PTPN4: variants seen among roughly 807,000 people sequenced by gnomAD.
PTPN4 encodes protein tyrosine phosphatase non-receptor type 4.
In PTPN4, 49 loss-of-function variants were observed where a neutral mutation model predicts 135.5. That is an observed-to-expected ratio of 0.36 (90% CI 0.29 to 0.46). PTPN4 has a LOEUF of 0.46. Ranked by LOEUF, PTPN4 falls within the 20% of genes least tolerant of loss-of-function variation. The probability of loss-of-function intolerance (pLI) is 1.00; values close to 1 mark genes in which losing one functional copy is unlikely to be tolerated. For missense variants in PTPN4, 860 were observed against 1,101.0 expected, an observed-to-expected ratio of 0.78 and a Z score of 3.10; for synonymous variants, 333 against 369.9, an observed-to-expected ratio of 0.90 and a Z score of 1.14.
At chr2:119,928,588 T>G (rs1218585946) in intron 13 of PTPN4, among the ~76,000 whole-genome samples, 1 of 152,146 alleles carries the variant, frequency 6.6e-6, no homozygotes, top group African/African-American at 2.4e-5. Flanking sequence ...TCCTATAATT[T>G]AAACCTGTGA....
intron 2 of PTPN4, among the ~76,000 whole-genome samples, chr2:119,845,204 T>C (rs1677472664): frequency 8.1e-6 from 1 of 123,182 alleles, no homozygotes; most frequent in Non-Finnish European, 1.7e-5. Flanking sequence ...ACAGTCCAGC[T>C]TCGGCTCCGC....
At chr2:119,843,564 G>T (rs1383408069) in intron 2 of PTPN4, among the ~76,000 whole-genome samples, 2 of 110,996 alleles carry the variant, frequency 1.8e-5, no homozygotes, top group Non-Finnish European at 1.9e-5. Context: ...CAGTAGGGGC[G>T]GCCGGGCAGA....
chr2:119,977,146 G>A lies in PTPN4; in HGVS notation c.*76G>A, dbSNP rs192860504. 1.4e-6 allele frequency: 2 copies of A among 1,396,374 alleles called. No homozygotes were observed. The highest frequency in any genetic ancestry group is 2.7e-5 in the East Asian group (1 of 36,934). 86.5% of individuals were successfully genotyped at this position (1,396,374 alleles called of 1,614,324 possible). Reference sequence around the variant, plus strand: ...TCACTGTGCCATAATGCTGCTCGCAGGAAATGGCATTTTACAAAAAAAAAA... The same window carrying A: ...TCACTGTGCCATAATGCTGCTCGCAAGAAATGGCATTTTACAAAAAAAAAA... On this transcript the variant is annotated 3_prime_UTR_variant, in exon 27 of 27. Coordinates refer to ENST00000263708, the MANE Select transcript of PTPN4 (RefSeq NM_002830.4).
chr2:119,836,678 G>T (rs1677299047), intron 2 of PTPN4, among the ~76,000 whole-genome samples: 1 of 152,248 alleles, frequency 6.6e-6, no homozygotes, highest in Non-Finnish European at 1.5e-5. Flanking sequence ...CGGGGTCCAG[G>T]AAGCCCCTCA....
At chr2:119,843,232 T>A (rs1220911130) in intron 2 of PTPN4, among the ~76,000 whole-genome samples, 1 of 149,516 alleles carries the variant, frequency 6.7e-6, no homozygotes, top group Non-Finnish European at 1.5e-5. Flanking sequence ...TTTTTTTTTT[T>A]TTTTTTGCAC....
intron 5 of PTPN4, among the ~76,000 whole-genome samples, chr2:119,878,506 G>T (rs1678018291): frequency 6.6e-6 from 1 of 152,024 alleles, no homozygotes; most frequent in Non-Finnish European, 1.5e-5. Flanking sequence ...TAATGTATTG[G>T]TTATCATTTA....
chr2:119,900,773 A>G lies in PTPN4; in HGVS notation c.731A>G (p.Tyr244Cys), dbSNP rs563342367. 1.3e-6 allele frequency: 2 copies of G among 1,587,976 alleles called. No homozygotes were observed. Among genetic ancestry groups the G allele is most frequent in the African/African-American group, 1.3e-5 (1 of 74,240 alleles). ...GTGATGTCAGGAGGAATTCTGATTT[A>G]TAAGAACAGGGTACGAATGAATACC... Reference protein sequence around the residue: ...IGVMSGGILIYKNRVRMNTFP... With the variant: ...IGVMSGGILICKNRVRMNTFP... The change falls in exon 10 of 27, where the codon TAT (tyrosine) becomes TGT (cysteine). Residue 244 changes from tyrosine (Y) to cysteine (C), a missense_variant. Physicochemically the swap from Tyr to Cys is radical, Grantham distance 194. This residue lies in a region of PTPN4 where 684 missense variants were observed against 807.0 expected (regional missense o/e 0.85). Coordinates refer to ENST00000263708, the MANE Select transcript of PTPN4 (RefSeq NM_002830.4).
chr2:119,952,450 T>C (rs763569370), intron 19 of PTPN4, among the ~76,000 whole-genome samples: 10 of 152,200 alleles, frequency 6.6e-5, no homozygotes, highest in Non-Finnish European at 2.9e-5. Flanking sequence ...TTATGACTTA[T>C]ACCTATACTT....
chr2:119,958,229 C>T (rs1276171028), intron 22 of PTPN4, among the ~76,000 whole-genome samples: 7 of 150,954 alleles, frequency 4.6e-5, no homozygotes, highest in African/African-American at 1.7e-4. Flanking sequence ...CCCAGCTACT[C>T]AGGAGACTGA....
At position 119,959,836 on chromosome 2, in the gene PTPN4, G is replaced by A. The variant is rs550158018; in HGVS notation, c.2134-971G>A. Among the ~76,000 whole-genome samples, 14 of 152,040 alleles carry A rather than the reference G, an allele frequency of 9.2e-5. No individual in the cohort carries two copies. The South Asian group carries it at 2.7e-3, about 29-fold the overall frequency. ...TTTTGCTGTCAAATGAGCACAGGTT[G>A]GGGCAAGTTTACAGAAATAAAAAAC... On this transcript the variant is annotated intron_variant, in intron 22 of 26. Coordinates refer to ENST00000263708, the MANE Select transcript of PTPN4 (RefSeq NM_002830.4).
chr2:119,873,275 T>A (rs567356069), intron 3 of PTPN4, among the ~76,000 whole-genome samples: 1 of 151,980 alleles, frequency 6.6e-6, no homozygotes, highest in Non-Finnish European at 1.5e-5. Flanking sequence ...TAGAAGAAGC[T>A]CACTGAACTC....
intron 5 of PTPN4, among the ~76,000 whole-genome samples, 134 bp from the exon 6 acceptor site, chr2:119,881,632 TCTTATTTTTAAACTACTTTA>T (rs1678079624): frequency 6.6e-6 from 1 of 152,184 alleles, no homozygotes; most frequent in Admixed American, 6.5e-5. Context: ...GCTTATGAAA[TCTTATTTTTAAACTACTTTA>T]CATGTTTTAA....
At chr2:119,946,236 C>T (rs1332650356) in intron 16 of PTPN4, 105 bp from the exon 17 acceptor site, 2 of 842,086 alleles carry the variant, frequency 2.4e-6, no homozygotes, top group Non-Finnish European at 3.6e-6. Context: ...TGATTTTTTA[C>T]AAACTATGCA....
intron 1 of PTPN4, among the ~76,000 whole-genome samples, chr2:119,800,972 T>C (rs547721314): frequency 1.9e-4 from 29 of 152,344 alleles, no homozygotes; most frequent in Non-Finnish European, 3.8e-4. Flanking sequence ...TCATAAAATC[T>C]GGGAGAGGGA....
At chr2:119,962,507 T>C (rs1423842228) in intron 23 of PTPN4, 109 bp from the exon 24 acceptor site, 3 of 643,742 alleles carry the variant, frequency 4.7e-6, no homozygotes, top group Non-Finnish European at 6.5e-6. Context: ...TAAATTTTTC[T>C]TGTAACTTTT....
At chr2:119,855,939 G>A (rs1264758172) in intron 2 of PTPN4, among the ~76,000 whole-genome samples, 1 of 152,006 alleles carries the variant, frequency 6.6e-6, no homozygotes, top group Non-Finnish European at 1.5e-5. Flanking sequence ...CAAGTAGCTA[G>A]GACTACAGGC....
Position 119,955,142 on chromosome 2 carries a change from A to G in PTPN4, c.1814-15A>G. 7 of 1,182,344 alleles carry G rather than the reference A, an allele frequency of 5.9e-6. No homozygotes were observed. The highest frequency in any genetic ancestry group is 8.2e-6 in the Non-Finnish European group (7 of 857,356). The allele number at this position is 1,182,344 out of a possible 1,614,324, so 73.2% of individuals were successfully genotyped here. A position where few individuals can be genotyped will look rare whatever the true frequency, so the allele number is the denominator to read the frequency against. Reference sequence around the variant, plus strand: ...ATTTCCACGTTTTGGGGTTTGTTTGATTTTTTTTTTTTAGCTGTATATGAT... The same window carrying G: ...ATTTCCACGTTTTGGGGTTTGTTTGGTTTTTTTTTTTTAGCTGTATATGAT... On this transcript the variant is annotated splice_polypyrimidine_tract_variant and intron_variant, in intron 19 of 26. Coordinates refer to ENST00000263708, the MANE Select transcript of PTPN4 (RefSeq NM_002830.4).
intron 2 of PTPN4, among the ~76,000 whole-genome samples, chr2:119,841,031 C>G (rs1677372913): frequency 6.6e-6 from 1 of 151,734 alleles, no homozygotes; most frequent in Non-Finnish European, 1.5e-5. Context: ...AGGTTGTTTA[C>G]TCTGATAGGC....
chr2:119,835,412 T>A (rs1208531415), intron 2 of PTPN4, among the ~76,000 whole-genome samples: 2 of 152,148 alleles, frequency 1.3e-5, no homozygotes, highest in African/African-American at 4.8e-5. Flanking sequence ...CTTGAACTCC[T>A]GACCTCGTGA....
Sources: allele counts gnomAD v4.1 joint callset (sites outside exome capture counted in the v4.1 genomes callset), GRCh38; gene constraint gnomAD v4.1.1; regional missense constraint gnomAD v4.1.1; transcripts MANE v1.5; gene names NCBI Gene and HGNC (gene_info 2026-07-23, HGNC 2026-07-21).